The following IQGAP2 variants were observed in gnomAD, a reference collection of about 807,000 sequenced individuals.
The protein encoded by IQGAP2 is IQ motif containing GTPase activating protein 2.
A neutral mutation model predicts 201.3 loss-of-function variants in IQGAP2; 173 were observed. The observed-to-expected ratio is 0.86, with a 90% CI of 0.76 to 0.98. The LOEUF (loss-of-function observed/expected upper bound fraction) is 0.98. Among genes scored for constraint, IQGAP2 ranks in the 50% least tolerant of loss-of-function variants. The pLI is 0.00. For missense variants in IQGAP2, 1,687 were observed against 1,864.8 expected, an observed-to-expected ratio of 0.90 and a Z score of 1.76; for synonymous variants, 675 against 673.9, an observed-to-expected ratio of 1.00 and a Z score of -0.03.
At chr5:76,601,101 T>G in intron 11 of IQGAP2, 129 bp downstream of exon 11, 1 of 796,846 alleles carries the variant, frequency 1.3e-6, no homozygotes, top group Non-Finnish European at 2.0e-6. Context: ...ACTAGTCTGT[T>G]TTAAGAGTCC....
intron 2 of IQGAP2, among the ~76,000 whole-genome samples, chr5:76,469,274 T>C (rs192036449): frequency 6.6e-6 from 1 of 152,266 alleles, no homozygotes; most frequent in Admixed American, 6.5e-5. Context: ...AGAGTATTGC[T>C]CAATGAATGA....
intron 12 of IQGAP2, chr5:76,609,315 TA>T (rs1181618864): frequency 1.4e-5 from 18 of 1,329,414 alleles, no homozygotes; most frequent in Non-Finnish European, 1.5e-5. Context: ...TCCTATAGGG[TA>T]AAACGACAGT....
At chr5:76,519,411 T>G (rs1234793903) in intron 2 of IQGAP2, among the ~76,000 whole-genome samples, 1 of 152,244 alleles carries the variant, frequency 6.6e-6, no homozygotes, top group East Asian at 1.9e-4. Context: ...CTGGATAGTA[T>G]TGCCTTGGAG....
intron 2 of IQGAP2, among the ~76,000 whole-genome samples, chr5:76,506,971 C>G (rs1370234997): frequency 1.3e-5 from 2 of 152,150 alleles, no homozygotes; most frequent in Non-Finnish European, 2.9e-5. Flanking sequence ...CAAAGCAGTG[C>G]CAATCAAAAT....
chr5:76,547,209 C>T (rs969632303), intron 2 of IQGAP2, among the ~76,000 whole-genome samples: 2 of 152,280 alleles, frequency 1.3e-5, no homozygotes, highest in African/African-American at 2.4e-5. Flanking sequence ...CATTCACCAC[C>T]TCCAAGAAAG....
chr5:76,665,226 A>G (rs776868483), intron 22 of IQGAP2, 51 bp downstream of exon 22: 7 of 1,514,988 alleles, frequency 4.6e-6, no homozygotes, highest in Middle Eastern at 1.7e-4. Context: ...ACTATGTTAC[A>G]TGTTTGTGGC....
intron 12 of IQGAP2, among the ~76,000 whole-genome samples, chr5:76,609,613 G>A (rs1748097352): frequency 6.6e-6 from 1 of 151,964 alleles, no homozygotes; most frequent in African/African-American, 2.4e-5. Flanking sequence ...AAAATGAGAA[G>A]TACTCATTCT....
At chr5:76,430,422 G>A (rs1327654977) in intron 1 of IQGAP2, among the ~76,000 whole-genome samples, 2 of 152,216 alleles carry the variant, frequency 1.3e-5, no homozygotes, top group Admixed American at 6.5e-5. Flanking sequence ...GAGCATCTGC[G>A]AGTTGACCCT....
At chr5:76,611,246 A>G in intron 13 of IQGAP2, 63 bp downstream of exon 13, 2 of 1,308,870 alleles carry the variant, frequency 1.5e-6, no homozygotes, top group Non-Finnish European at 2.1e-6. Flanking sequence ...GGAGAGAAGG[A>G]GGAGGATTTG....
intron 10 of IQGAP2, among the ~76,000 whole-genome samples, chr5:76,599,032 G>A (rs746787361): frequency 6.6e-6 from 1 of 152,022 alleles, no homozygotes; most frequent in Non-Finnish European, 1.5e-5. Flanking sequence ...TACATAAAAG[G>A]ATATACACAA....
chr5:76,646,455 C>T (rs1338201345), intron 17 of IQGAP2, among the ~76,000 whole-genome samples: 9 of 152,152 alleles, frequency 5.9e-5, no homozygotes, highest in African/African-American at 1.7e-4. Flanking sequence ...AAGCCTTCCC[C>T]GAGGCCTACT....
chr5:76,613,371 A>G (rs914082246), intron 13 of IQGAP2, among the ~76,000 whole-genome samples: 2 of 152,234 alleles, frequency 1.3e-5, no homozygotes, highest in African/African-American at 2.4e-5. Context: ...ACATCATTCA[A>G]ATCCTGGCTT....
At chr5:76,419,539 C>T (rs548791609) in intron 1 of IQGAP2, among the ~76,000 whole-genome samples, 136 of 152,058 alleles carry the variant, frequency 8.9e-4, no homozygotes, top group South Asian at 1.7e-3. Flanking sequence ...GGTTTCACCA[C>T]GTTGGCCAGG....
In IQGAP2 at chr5:76,698,125, T is replaced by G; in HGVS notation, c.4345T>G (p.Cys1449Gly). 2 of 1,598,050 alleles carry G rather than the reference T, an allele frequency of 1.3e-6. No individual in the cohort carries two copies. Among genetic ancestry groups the G allele is most frequent in the Non-Finnish European group, 1.7e-6 (2 of 1,170,336 alleles). The change falls in exon 33 of 36, where the codon TGT becomes GGT. Residue 1449 changes from cysteine to glycine, a missense_variant. Coordinates refer to ENST00000274364, the MANE Select transcript of IQGAP2 (RefSeq NM_006633.5). ...INYYDTYIKT[C>G]LDNLKRKNTR... ...TTATTATGACACCTACATAAAGACT[T>G]GTTTAGACAACTTAAAAAGAAAGTA...
chr5:76,497,587 C>T (rs899140639), intron 2 of IQGAP2, among the ~76,000 whole-genome samples: 4 of 152,186 alleles, frequency 2.6e-5, no homozygotes, highest in Admixed American at 2.0e-4. Flanking sequence ...CACTGGCATT[C>T]TTAAATGAGA....
intron 2 of IQGAP2, among the ~76,000 whole-genome samples, chr5:76,538,953 G>A (rs1463930584): frequency 6.6e-6 from 1 of 152,160 alleles, no homozygotes; most frequent in Admixed American, 6.5e-5. Flanking sequence ...TTGTTCTGAT[G>A]GTGGGGTGTC....
At chr5:76,644,644 A>G (rs1365761033) in intron 17 of IQGAP2, among the ~76,000 whole-genome samples, 1 of 152,000 alleles carries the variant, frequency 6.6e-6, no homozygotes, top group Non-Finnish European at 1.5e-5. Context: ...CTTTATATCA[A>G]CTGTATACCC....
At position 76,619,305 on chromosome 5, in the gene IQGAP2, C is replaced by T. The variant is rs182624791; in HGVS notation, c.1522-8105C>T. Among the ~76,000 whole-genome samples, 1,308 of 152,144 alleles carry T rather than the reference C, an allele frequency of 8.6e-3. 13 individuals carry two copies. Among genetic ancestry groups the T allele is most frequent in the South Asian group, 0.016 (77 of 4,822 alleles). ...GAAAGAGTGGGTGACAGCTAAATTC[C>T]TGAAGGGCCTCTAAACTGTCCTAAG... is the stretch of plus-strand genomic sequence containing the variant. On this transcript the variant is annotated intron_variant, in intron 13 of 35. Coordinates refer to ENST00000274364, the MANE Select transcript of IQGAP2 (RefSeq NM_006633.5).
At chr5:76,516,719 T>G (rs1318064303) in intron 2 of IQGAP2, among the ~76,000 whole-genome samples, 1 of 152,230 alleles carries the variant, frequency 6.6e-6, no homozygotes, top group African/African-American at 2.4e-5. Context: ...GCCACAGATG[T>G]TAACTGACGG....
Sources: gnomAD v4.1 joint callset for allele counts (sites outside exome capture counted in the v4.1 genomes callset) on GRCh38, gnomAD v4.1.1 for gene constraint, MANE v1.5 for transcripts, NCBI Gene and HGNC (gene_info 2026-07-23, HGNC 2026-07-21) for gene names.